MFSD11: variants seen among roughly 807,000 people sequenced by gnomAD.
The protein encoded by MFSD11 is major facilitator superfamily domain containing 11, also known as UNC93-like protein MFSD11.
Under a neutral mutation model 53.5 loss-of-function variants are expected in MFSD11, and 36 were observed. That is an observed-to-expected ratio of 0.67 (90% CI 0.52 to 0.89). MFSD11 has a LOEUF of 0.89. MFSD11 is among the 40% of genes least tolerant of loss of function. The pLI is 0.00. For synonymous variants in MFSD11, 186 were observed against 184.9 expected (o/e 1.01, Z -0.05); for missense variants, 530 against 543.9 (o/e 0.97, Z 0.25).
chr17:76,751,186 C>G (rs897257248), intron 7 of MFSD11, among the ~76,000 whole-genome samples: 1 of 151,314 alleles, frequency 6.6e-6, no homozygotes, highest in Non-Finnish European at 1.5e-5. Flanking sequence ...GTCAGGAGAT[C>G]GAGACTATCC....
the MFSD11 span, among the ~76,000 whole-genome samples, chr17:76,798,031 G>A: frequency 3.3e-5 from 5 of 151,674 alleles, no homozygotes; most frequent in African/African-American, 9.7e-5. Context: ...CCACAGGTGC[G>A]CACCACCACG....
In MFSD11 at chr17:76,778,707, T is replaced by C; in HGVS notation, c.*355T>C. The C allele has an allele frequency of 5.4e-6, 1 of 185,204 alleles. No individual in the cohort carries two copies. Among genetic ancestry groups the C allele is most frequent in the South Asian group, 1.5e-4 (1 of 6,800 alleles). 11.5% of individuals were successfully genotyped at this position (185,204 alleles called of 1,614,324 possible). A position where few individuals can be genotyped will look rare whatever the true frequency, so the allele number is the denominator to read the frequency against. Reference sequence around the variant, plus strand: ...ATTTAGAATACTAGGCCATATGTCATATAAATATTTTTTCTGGATATGGAG... The same window carrying C: ...ATTTAGAATACTAGGCCATATGTCACATAAATATTTTTTCTGGATATGGAG... On this transcript the variant is annotated 3_prime_UTR_variant, in exon 13 of 13. Coordinates refer to ENST00000685175, the MANE Select transcript of MFSD11 (RefSeq NM_001242532.5).
At chr17:76,763,426 GCTAA>G (rs1274851724) in intron 8 of MFSD11, among the ~76,000 whole-genome samples, 2 of 151,858 alleles carry the variant, frequency 1.3e-5, no homozygotes, top group African/African-American at 2.4e-5. Context: ...ACCCCTCCCG[GCTAA>G]CTGTTATATT....
At chr17:76,740,641 C>T (rs2077983130) in intron 2 of MFSD11, among the ~76,000 whole-genome samples, 2 of 152,222 alleles carry the variant, frequency 1.3e-5, no homozygotes, top group South Asian at 4.1e-4. Context: ...TATCTTTCTC[C>T]TAGTGCTGTT....
At chr17:76,747,775 C>T (rs183773098) in intron 7 of MFSD11, among the ~76,000 whole-genome samples, 101 of 152,278 alleles carry the variant, frequency 6.6e-4, no homozygotes, top group African/African-American at 2.4e-3. Context: ...TGCCGCCCAT[C>T]CCTGTTTTTA....
At chr17:76,741,878 A>G in intron 3 of MFSD11, 91 bp from the exon 4 acceptor site, 1 of 1,581,396 alleles carries the variant, frequency 6.3e-7, no homozygotes, top group South Asian at 1.2e-5. Flanking sequence ...TTTTAAAAGA[A>G]GAGAATGTCA....
downstream of MFSD11, among the ~76,000 whole-genome samples, chr17:76,782,711 C>T (rs1031541491): frequency 6.6e-6 from 1 of 151,196 alleles, no homozygotes; most frequent in Non-Finnish European, 1.5e-5. Context: ...AACTCTTGAC[C>T]TCATGATCCA....
At chr17:76,787,384 A>C in the MFSD11 span, among the ~76,000 whole-genome samples, 1 of 149,520 alleles carries the variant, frequency 6.7e-6, no homozygotes. Context: ...TGATCCACCC[A>C]CCTTGGCCTC....
At chr17:76,742,859 T>C (rs2144144282) in intron 5 of MFSD11, among the ~76,000 whole-genome samples, 1 of 152,300 alleles carries the variant, frequency 6.6e-6, no homozygotes, top group African/African-American at 2.4e-5. Context: ...GACTGTTGGA[T>C]TTCTGGAATC....
At chr17:76,754,219 A>T (rs2079348429) in intron 8 of MFSD11, 132 bp downstream of exon 8, 1 of 664,706 alleles carries the variant, frequency 1.5e-6, no homozygotes, top group Admixed American at 2.6e-5. Flanking sequence ...GCTGCTCTGA[A>T]ATATATTGAT....
intron 5 of MFSD11, among the ~76,000 whole-genome samples, chr17:76,742,896 C>T (rs552860425): frequency 2.0e-4 from 31 of 152,232 alleles, no homozygotes; most frequent in African/African-American, 6.3e-4. Flanking sequence ...CCTCATGAAT[C>T]GCGCCTAAAA....
chr17:76,770,179 A>G (rs2081270026), intron 10 of MFSD11, among the ~76,000 whole-genome samples: 1 of 150,984 alleles, frequency 6.6e-6, no homozygotes, highest in East Asian at 1.9e-4. Context: ...CTGGGACTAC[A>G]GGCGCCCGCC....
At chr17:76,737,232 G>A, upstream of MFSD11, 1 of 1,460,790 alleles carries the variant, frequency 6.8e-7, no homozygotes, top group Non-Finnish European at 9.1e-7. Context: ...GCGACGCCGC[G>A]CCTCTCAGGC....
chr17:76,738,654 T>C (rs1204460046), intron 1 of MFSD11: 11 of 607,870 alleles, frequency 1.8e-5, no homozygotes, highest in Non-Finnish European at 3.2e-5. Context: ...TTTAATCTGA[T>C]TTGATTAGGG....
downstream of MFSD11, among the ~76,000 whole-genome samples, chr17:76,782,701 A>G (rs2082198876): frequency 1.4e-5 from 2 of 147,512 alleles, no homozygotes; most frequent in Admixed American, 1.4e-4. Flanking sequence ...GCTGGTCTCG[A>G]ACTCTTGACC....
intron 8 of MFSD11, among the ~76,000 whole-genome samples, chr17:76,760,054 G>A (rs543067053): frequency 4.0e-5 from 6 of 151,436 alleles, no homozygotes; most frequent in Non-Finnish European, 8.8e-5. Flanking sequence ...GATCACCTAA[G>A]GTCAGGAGTT....
At position 76,776,815 on chromosome 17, in the gene MFSD11, ATT is replaced by A. The variant is rs61647650; in HGVS notation, c.1185+283_1185+284del. 2.1e-3 allele frequency among the ~76,000 whole-genome samples: 306 copies of A among 146,990 alleles called. 4 individuals carry two copies. Among genetic ancestry groups the A allele is most frequent in the African/African-American group, 7.3e-3 (293 of 40,354 alleles). On this transcript the variant is annotated intron_variant, in intron 12 of 12. Coordinates refer to ENST00000685175, the MANE Select transcript of MFSD11 (RefSeq NM_001242532.5). This position sits in a 1 kb window ranked among gnomAD's most constrained non-coding sequence, Gnocchi z 4.2. ...ACCACCATGCCTGGCTAATTTTTGT[ATT>A]TTTTTTTTCTTTTTAGCAGAGGCAG...
At chr17:76,796,811 CAA>C in the MFSD11 span, among the ~76,000 whole-genome samples, 2,935 of 114,260 alleles carry the variant, frequency 0.026, 128 homozygotes, top group African/African-American at 0.092. Context: ...CTAAAAATAC[CAA>C]AAAAAAAAAA....
At chr17:76,737,948 C>T, upstream of MFSD11, 1 of 225,332 alleles carries the variant, frequency 4.4e-6, no homozygotes, top group East Asian at 8.7e-5. Context: ...CCCAGCGGGC[C>T]GAGCGGCCGG....
Sources: allele counts gnomAD v4.1 joint callset (sites outside exome capture counted in the v4.1 genomes callset), GRCh38; gene constraint gnomAD v4.1.1; non-coding constraint Gnocchi (gnomAD v3.1); transcripts MANE v1.5; gene names NCBI Gene and HGNC (gene_info 2026-07-23, HGNC 2026-07-21).